Variants in LGSN observed in about 807,000 individuals in gnomAD.
LGSN encodes the protein lengsin, lens protein with glutamine synthetase domain.
In LGSN, 21 loss-of-function variants were observed where a neutral mutation model predicts 19.5. That is an observed-to-expected ratio of 1.07 (90% CI 0.76 to 1.55). The LOEUF is 1.55. Ranked by LOEUF, LGSN falls within the 40% of genes most tolerant of loss-of-function variation. LGSN has a pLI of 0.00. For synonymous variants in LGSN, 257 were observed against 215.6 expected (o/e 1.19, Z -1.68); for missense variants, 673 against 608.5 (o/e 1.11, Z -1.12).
upstream of LGSN, among the ~76,000 whole-genome samples, chr6:63,323,688 T>C (rs960396566): frequency 4.0e-5 from 6 of 149,934 alleles, no homozygotes. Context: ...GCATTTTTTA[T>C]AGAAAATTGA....
the LGSN span, chr6:63,396,078 G>A: frequency 6.5e-6 from 1 of 154,288 alleles, no homozygotes; most frequent in East Asian, 1.9e-4. Flanking sequence ...ATTTTGCAGA[G>A]ACGGCAGGTC....
the LGSN span, chr6:63,572,356 T>G: frequency 7.1e-6 from 2 of 282,652 alleles, no homozygotes; most frequent in Non-Finnish European, 1.3e-5. Flanking sequence ...CGGAGTGACG[T>G]CCGGAGGGGG....
At chr6:63,333,986 G>A in the LGSN span, among the ~76,000 whole-genome samples, 2 of 152,120 alleles carry the variant, frequency 1.3e-5, no homozygotes, top group Non-Finnish European at 2.9e-5. Context: ...AATCATAAAG[G>A]TCATATATAA....
the LGSN span, among the ~76,000 whole-genome samples, chr6:63,325,538 A>C: frequency 2.6e-5 from 4 of 152,242 alleles, no homozygotes; most frequent in Non-Finnish European, 4.4e-5. Context: ...AGATTGAATA[A>C]GGAATAAATA....
chr6:63,402,129 T>C, the LGSN span, among the ~76,000 whole-genome samples: 1 of 152,180 alleles, frequency 6.6e-6, no homozygotes, highest in African/African-American at 2.4e-5. Flanking sequence ...GTGGATTTTT[T>C]TTAGTCAATC....
chr6:63,402,985 C>T, the LGSN span, among the ~76,000 whole-genome samples: 3 of 152,122 alleles, frequency 2.0e-5, no homozygotes, highest in African/African-American at 7.2e-5. Flanking sequence ...CCTGGCTCCC[C>T]AGCCTGCCAA....
the LGSN span, among the ~76,000 whole-genome samples, chr6:63,365,438 G>C: frequency 6.7e-6 from 1 of 149,824 alleles, no homozygotes; most frequent in Non-Finnish European, 1.5e-5. Flanking sequence ...AATTGAGGCA[G>C]TAATTAATAG....
chr6:63,410,681 A>C, the LGSN span, among the ~76,000 whole-genome samples: 1 of 152,200 alleles, frequency 6.6e-6, no homozygotes, highest in Non-Finnish European at 1.5e-5. Flanking sequence ...CAATGAACGC[A>C]GTTTAAAACC....
At chr6:63,551,672 G>A in the LGSN span, among the ~76,000 whole-genome samples, 3 of 151,870 alleles carry the variant, frequency 2.0e-5, no homozygotes, top group East Asian at 5.8e-4. Flanking sequence ...ATCTCCTAAT[G>A]CTATCCCTCC....
chr6:63,405,416 G>C, the LGSN span, among the ~76,000 whole-genome samples: 13 of 152,198 alleles, frequency 8.5e-5, no homozygotes, highest in East Asian at 1.5e-3. Flanking sequence ...GTTTACAGTC[G>C]CACCAACAGT....
chr6:63,507,952 C>G, the LGSN span, among the ~76,000 whole-genome samples: 1 of 152,168 alleles, frequency 6.6e-6, no homozygotes, highest in Middle Eastern at 3.4e-3. Flanking sequence ...CAAAAAAAAG[C>G]AACTTGGGTC....
chr6:63,500,945 C>T, the LGSN span, among the ~76,000 whole-genome samples: 1 of 151,880 alleles, frequency 6.6e-6, no homozygotes, highest in Non-Finnish European at 1.5e-5. Flanking sequence ...CCAGGCTGGT[C>T]TCAAACTCCT....
At chr6:63,290,257 A>G (rs1179365240) in intron 2 of LGSN, among the ~76,000 whole-genome samples, 1 of 152,214 alleles carries the variant, frequency 6.6e-6, no homozygotes, top group African/African-American at 2.4e-5. Flanking sequence ...CTTCTGAGCT[A>G]AAGAAGTTGA....
the LGSN span, chr6:63,571,907 C>A: frequency 6.6e-6 from 1 of 152,154 alleles, no homozygotes; most frequent in Non-Finnish European, 1.5e-5. Flanking sequence ...AGCCTAAGGC[C>A]GTGGCATGCA....
At chr6:63,537,822 A>G in the LGSN span, among the ~76,000 whole-genome samples, 8 of 152,332 alleles carry the variant, frequency 5.3e-5, no homozygotes, top group Middle Eastern at 3.4e-3. Flanking sequence ...GTAGGGCACA[A>G]TGAGGACACC....
chr6:63,301,662 A>G (rs1002487423), intron 1 of LGSN, among the ~76,000 whole-genome samples: 3 of 152,172 alleles, frequency 2.0e-5, no homozygotes, highest in Non-Finnish European at 4.4e-5. Flanking sequence ...CACAGGGGAA[A>G]AAAGTAAAAT....
chr6:63,515,870 CAAGT>C, the LGSN span, among the ~76,000 whole-genome samples: 2 of 152,098 alleles, frequency 1.3e-5, no homozygotes, highest in African/African-American at 4.8e-5. Context: ...GATTTTTACA[CAAGT>C]AAGATATTAA....
chr6:63,325,487 T>C, the LGSN span, among the ~76,000 whole-genome samples: 1 of 152,120 alleles, frequency 6.6e-6, no homozygotes, highest in Non-Finnish European at 1.5e-5. Context: ...CTGGAAAATC[T>C]AGAGGAAAAG....
chr6:63,452,965 C>G, the LGSN span, among the ~76,000 whole-genome samples: 2 of 152,036 alleles, frequency 1.3e-5, no homozygotes, highest in African/African-American at 4.8e-5. Flanking sequence ...TTGGGTCACA[C>G]TAACAAATCC....
Sources: gnomAD v4.1 joint callset for allele counts (sites outside exome capture counted in the v4.1 genomes callset) on GRCh38, gnomAD v4.1.1 for gene constraint, MANE v1.5 for transcripts, NCBI Gene and HGNC (gene_info 2026-07-23, HGNC 2026-07-21) for gene names.